Variants in OR1I1 observed in about 807,000 individuals in gnomAD.
OR1I1 encodes the protein olfactory receptor 1I1.
For missense variants in OR1I1, 451 were observed against 443.6 expected, an observed-to-expected ratio of 1.02 and a Z score of -0.15; for synonymous variants, 171 against 181.4, an observed-to-expected ratio of 0.94 and a Z score of 0.46.
In OR1I1 at chr19:15,087,047, CA is replaced by C; in HGVS notation, c.-13-5del. The C allele has an allele frequency of 1.2e-5, 19 of 1,587,488 alleles. No individual in the cohort carries two copies. The highest frequency in any genetic ancestry group is 1.6e-5 in the Non-Finnish European group (19 of 1,166,550). On this transcript the variant is annotated splice_polypyrimidine_tract_variant and splice_region_variant and intron_variant, in intron 1 of 1. Coordinates refer to ENST00000641398, the MANE Select transcript of OR1I1 (RefSeq NM_001004713.2). ...TGTGGTTTTTCTCCCTTTTTGTTCC[CA>C]CTAGTCACAGACCATACATGGAACC...
At chr19:15,086,171 A>C (rs537124720) in intron 1 of OR1I1, among the ~76,000 whole-genome samples, 5 of 152,060 alleles carry the variant, frequency 3.3e-5, no homozygotes, top group Admixed American at 2.0e-4. Flanking sequence ...AAAATTAGCC[A>C]GTCATGGTGG....
At chr19:15,083,518 A>T (rs1656704594) in intron 1 of OR1I1, among the ~76,000 whole-genome samples, 1 of 152,242 alleles carries the variant, frequency 6.6e-6, no homozygotes, top group South Asian at 2.1e-4. Flanking sequence ...CCAGGAAGGG[A>T]ATCGCAGTAT....
intron 1 of OR1I1, among the ~76,000 whole-genome samples, chr19:15,083,645 G>T (rs2046217851): frequency 6.6e-6 from 1 of 152,182 alleles, no homozygotes; most frequent in Non-Finnish European, 1.5e-5. Context: ...TTACCAAGGA[G>T]ATTATGCTGC....
Position 15,088,951 on chromosome 19 carries a change from TGATAGATAGATA to T in OR1I1, c.*838_*849del, listed in dbSNP as rs60185874. On this transcript the variant is annotated 3_prime_UTR_variant, in exon 2 of 2. Coordinates refer to ENST00000641398, the MANE Select transcript of OR1I1 (RefSeq NM_001004713.2). ...TAGATAGATCATATAAGTAGATAGA[TGATAGATAGATA>T]GATAGATAGATAGATAGATGAGATA... The T allele has an allele frequency of 2.1e-5, 3 of 145,976 alleles. No homozygotes were observed. The highest frequency in any genetic ancestry group is 7.6e-5 in the African/African-American group (3 of 39,424). 9.0% of individuals were successfully genotyped at this position (145,976 alleles called of 1,614,324 possible).
intron 1 of OR1I1, among the ~76,000 whole-genome samples, chr19:15,083,265 A>G (rs556008796): frequency 7.0e-6 from 1 of 142,378 alleles, no homozygotes; most frequent in South Asian, 2.5e-4. Context: ...TTGTAGATCC[A>G]GGGCGGGATT....
Position 15,087,346 on chromosome 19 carries a change from T to C in OR1I1, c.281T>C (p.Phe94Ser), listed in dbSNP as rs757403166. The change falls in exon 2 of 2, where the codon TTT becomes TCT. Residue 94 changes from phenylalanine to serine, a missense_variant. Coordinates refer to ENST00000641398, the MANE Select transcript of OR1I1 (RefSeq NM_001004713.2). ...NIQAQSRAIP[F>S]VGCLTQMYAF... ...CAGGCTCAGAGCAGAGCCATCCCCT[T>C]TGTGGGCTGCCTCACCCAGATGTAT... 35 of 1,614,142 alleles carry C rather than the reference T, an allele frequency of 2.2e-5. No individual in the cohort carries two copies. In the Middle Eastern group the frequency reaches 9.9e-4, roughly 46 times the overall value.
rs755823061 is a variant in OR1I1 at position 15,087,920 on chromosome 19, C to T, written c.855C>T (p.Leu285=). 10 of 1,613,934 alleles carry T rather than the reference C, an allele frequency of 6.2e-6. No homozygotes were observed. Among genetic ancestry groups the T allele is most frequent in the South Asian group, 1.1e-5 (1 of 91,084 alleles). The change falls in exon 2 of 2, where the codon CTC becomes CTT. Residue 285 remains leucine (L), a synonymous_variant. Coordinates refer to ENST00000641398, the MANE Select transcript of OR1I1 (RefSeq NM_001004713.2). ...ALMCGVFIPM[L]NPFIYSIRNK... ...TGTGTGGGGTGTTCATCCCCATGCT[C>T]AACCCCTTTATCTACAGCATACGGA...
Position 15,088,248 on chromosome 19 carries a change from T to G in OR1I1, c.*115T>G. The G allele has an allele frequency of 1.5e-6, 2 of 1,321,236 alleles. No homozygotes were observed. Among genetic ancestry groups the G allele is most frequent in the Non-Finnish European group, 2.0e-6 (2 of 991,100 alleles). 81.8% of individuals were successfully genotyped at this position (1,321,236 alleles called of 1,614,324 possible). On this transcript the variant is annotated 3_prime_UTR_variant, in exon 2 of 2. Transcript: ENST00000641398. Reference sequence around the variant, plus strand: ...TTTATCTTCCCCAAAAAGATCAGAATAGCAAGGATCAAACTGGCCTGAAAT... The same window carrying G: ...TTTATCTTCCCCAAAAAGATCAGAAGAGCAAGGATCAAACTGGCCTGAAAT...
rs537297273 is a variant in OR1I1 at position 15,090,168 on chromosome 19, C to T, written c.*2035C>T. 1 of 149,686 alleles carries T rather than the reference C, an allele frequency of 6.7e-6. No homozygotes were observed. The highest frequency in any genetic ancestry group is 2.5e-5 in the African/African-American group (1 of 40,706). The allele number at this position is 149,686 out of a possible 1,614,324, so 9.3% of individuals were successfully genotyped here. The stretch of plus-strand genomic sequence containing the variant: ...TATCCCTCTCAGCCCTCAGAAGGAA[C>T]CAAGGAATCAAAGCTGCTGACAACT... On this transcript the variant is annotated 3_prime_UTR_variant, in exon 2 of 2. Transcript: ENST00000641398.
Position 15,092,134 on chromosome 19 carries a change from T to TAC in OR1I1, c.*4001_*4002insAC, listed in dbSNP as rs1555718125. On this transcript the variant is annotated 3_prime_UTR_variant, in exon 2 of 2. Transcript: ENST00000641398. ...TTGGTTTTTGGTTGTTTTTTTTTTT[T>TAC]CCCCGGAAACTTGTATTCTAGCTGT... is the stretch of plus-strand genomic sequence containing the variant. 1.6e-5 allele frequency: 2 copies of TAC among 126,096 alleles called. No individual in the cohort carries two copies. The highest frequency in any genetic ancestry group is 9.4e-5 in the Admixed American group (1 of 10,622). 7.8% of individuals were successfully genotyped at this position (126,096 alleles called of 1,614,324 possible). A position where few individuals can be genotyped will look rare whatever the true frequency, so the allele number is the denominator to read the frequency against.
At position 15,092,134 on chromosome 19, in the gene OR1I1, TCCCCGGAAA is replaced by T. The variant is rs2046260127; in HGVS notation, c.*4003_*4011del. 7.9e-6 allele frequency: 1 copy of T among 126,022 alleles called. No homozygotes were observed. The allele number at this position is 126,022 out of a possible 1,614,324, so 7.8% of individuals were successfully genotyped here. A position where few individuals can be genotyped will look rare whatever the true frequency, so the allele number is the denominator to read the frequency against. ...TTGGTTTTTGGTTGTTTTTTTTTTTTCCCCGGAAACTTGTATTCTAGCTGTGAACTGGCC... is the reference window on the plus strand; with the variant it reads ...TTGGTTTTTGGTTGTTTTTTTTTTTTCTTGTATTCTAGCTGTGAACTGGCC... On this transcript the variant is annotated 3_prime_UTR_variant, in exon 2 of 2. Coordinates refer to ENST00000641398, the MANE Select transcript of OR1I1 (RefSeq NM_001004713.2).
At chr19:15,085,130 TTATATATATATA>T (rs775570074) in intron 1 of OR1I1, among the ~76,000 whole-genome samples, 9 of 28,540 alleles carry the variant, frequency 3.2e-4, no homozygotes, top group East Asian at 3.0e-3. Flanking sequence ...CATTTTTGAC[TTATATATATATA>T]TATATATATA....
Position 15,087,212 on chromosome 19 carries a change from C to T in OR1I1, c.147C>T (p.Ile49=). ...GAAATGCCCTCATTATCCTGGCCAT[C>T]ATCACGGACTCTCACCTCCACACAC... The part of the protein sequence containing the change: ...IIGNALIILA[I]ITDSHLHTPM... Residue 49 remains isoleucine (I), a synonymous_variant, in exon 2 of 2, where the codon ATC becomes ATT. Coordinates refer to ENST00000641398, the MANE Select transcript of OR1I1 (RefSeq NM_001004713.2). 6.2e-7 allele frequency: 1 copy of T among 1,614,126 alleles called. No individual in the cohort carries two copies. The highest frequency in any genetic ancestry group is 2.2e-5 in the East Asian group (1 of 44,864).
At position 15,088,724 on chromosome 19, in the gene OR1I1, A is replaced by AGAGGATAAGATAAGATAGG. The variant is rs2046242399; in HGVS notation, c.*591_*592insGAGGATAAGATAAGATAGG. 1 of 148,398 alleles carries AGAGGATAAGATAAGATAGG rather than the reference A, an allele frequency of 6.7e-6. No homozygotes were observed. Among genetic ancestry groups the AGAGGATAAGATAAGATAGG allele is most frequent in the Non-Finnish European group, 1.5e-5 (1 of 67,402 alleles). 9.2% of individuals were successfully genotyped at this position (148,398 alleles called of 1,614,324 possible). A position where few individuals can be genotyped will look rare whatever the true frequency, so the allele number is the denominator to read the frequency against. Reference sequence around the variant, plus strand: ...GATAGATAGATAGACAGACAGATAGATAGAGAGGATAAGATAAGATAGGTA... The same window carrying AGAGGATAAGATAAGATAGG: ...GATAGATAGATAGACAGACAGATAGAGAGGATAAGATAAGATAGGTAGAGAGGATAAGATAAGATAGGTA... On this transcript the variant is annotated 3_prime_UTR_variant, in exon 2 of 2. Coordinates refer to ENST00000641398, the MANE Select transcript of OR1I1 (RefSeq NM_001004713.2).
chr19:15,083,396 C>G (rs1018436062), intron 1 of OR1I1, among the ~76,000 whole-genome samples: 1 of 152,096 alleles, frequency 6.6e-6, no homozygotes, highest in Admixed American at 6.6e-5. Context: ...ATGCCTGGCC[C>G]GCTTTTTGTG....
At chr19:15,085,129 CTT>C (rs1568321767) in intron 1 of OR1I1, among the ~76,000 whole-genome samples, 50 of 64,866 alleles carry the variant, frequency 7.7e-4, no homozygotes, top group African/African-American at 1.0e-3. Context: ...GCATTTTTGA[CTT>C]ATATATATAT....
intron 1 of OR1I1, among the ~76,000 whole-genome samples, chr19:15,084,287 C>T (rs2046220149): frequency 6.6e-6 from 1 of 151,894 alleles, no homozygotes; most frequent in African/African-American, 2.4e-5. Context: ...TGGCTGGCTG[C>T]AGTGGCTCAC....
Position 15,089,817 on chromosome 19 carries a change from C to T in OR1I1, c.*1684C>T, listed in dbSNP as rs2046249547. ...TGCCACTGCACTCCAGCCTGGGAAACAGAGCAAGGCCCTGTCTGCAAAAGT... is the reference window on the plus strand; with the variant it reads ...TGCCACTGCACTCCAGCCTGGGAAATAGAGCAAGGCCCTGTCTGCAAAAGT... On this transcript the variant is annotated 3_prime_UTR_variant, in exon 2 of 2. Coordinates refer to ENST00000641398, the MANE Select transcript of OR1I1 (RefSeq NM_001004713.2). The T allele has an allele frequency of 6.6e-6, 1 of 152,026 alleles. No homozygotes were observed. The highest frequency in any genetic ancestry group is 2.1e-4 in the South Asian group (1 of 4,820). 9.4% of individuals were successfully genotyped at this position (152,026 alleles called of 1,614,324 possible).
At position 15,087,037 on chromosome 19, in the gene OR1I1, T is replaced by C; in HGVS notation, c.-13-16T>C. ...CCTGGCTCTGTGTGGTTTTTCTCCC[T>C]TTTTGTTCCCACTAGTCACAGACCA... On this transcript the variant is annotated splice_polypyrimidine_tract_variant and intron_variant, in intron 1 of 1. Transcript: ENST00000641398. The C allele has an allele frequency of 1.3e-6, 2 of 1,576,346 alleles. No homozygotes were observed. Among genetic ancestry groups the C allele is most frequent in the Non-Finnish European group, 1.7e-6 (2 of 1,160,770 alleles).
Sources: gnomAD v4.1 joint callset for allele counts (sites outside exome capture counted in the v4.1 genomes callset) on GRCh38, gnomAD v4.1.1 for gene constraint, MANE v1.5 for transcripts, NCBI Gene and HGNC (gene_info 2026-07-23, HGNC 2026-07-21) for gene names.